The following FSTL4 variants were observed in gnomAD, a reference collection of about 807,000 sequenced individuals.
The protein encoded by FSTL4 is follistatin-related protein 4.
A neutral mutation model predicts 78.2 loss-of-function variants in FSTL4; 28 were observed. The observed-to-expected ratio is 0.36, with a 90% CI of 0.27 to 0.49. The LOEUF is 0.49. Among genes scored for constraint, FSTL4 ranks in the 20% least tolerant of loss-of-function variants. The pLI, the probability that FSTL4 is intolerant of heterozygous loss-of-function variation, is 0.98. For missense variants in FSTL4, 922 were observed against 1,084.9 expected, an observed-to-expected ratio of 0.85 and a Z score of 2.11; for synonymous variants, 422 against 440.5, an observed-to-expected ratio of 0.96 and a Z score of 0.53.
At chr5:133,274,516 G>A (rs1425871024) in intron 6 of FSTL4, among the ~76,000 whole-genome samples, 1 of 151,212 alleles carries the variant, frequency 6.6e-6, no homozygotes, top group Non-Finnish European at 1.5e-5. Context: ...ACCTATTTAA[G>A]AGGTTTCAAG....
chr5:133,745,964 C>T, the FSTL4 span, among the ~76,000 whole-genome samples: 1 of 152,192 alleles, frequency 6.6e-6, no homozygotes, highest in African/African-American at 2.4e-5. Flanking sequence ...TTTCAAGGCA[C>T]CACGATACAG....
At chr5:133,815,389 T>C in the FSTL4 span, among the ~76,000 whole-genome samples, 12 of 152,232 alleles carry the variant, frequency 7.9e-5, no homozygotes, top group African/African-American at 2.9e-4. Flanking sequence ...GTCTGGACAA[T>C]GCCTCCTGCC....
intron 3 of FSTL4, among the ~76,000 whole-genome samples, chr5:133,463,062 A>C (rs1363220268): frequency 6.6e-6 from 1 of 152,166 alleles, no homozygotes; most frequent in Non-Finnish European, 1.5e-5. Flanking sequence ...CAGGGATTTG[A>C]CCATCTTTAC....
chr5:133,700,636 G>T, the FSTL4 span, among the ~76,000 whole-genome samples: 1 of 152,208 alleles, frequency 6.6e-6, no homozygotes, highest in Non-Finnish European at 1.5e-5. Context: ...CAAACCTACT[G>T]CAAACAGCCC....
At chr5:133,342,824 G>A (rs1041794768) in intron 4 of FSTL4, among the ~76,000 whole-genome samples, 28 of 152,178 alleles carry the variant, frequency 1.8e-4, no homozygotes, top group African/African-American at 5.5e-4. Context: ...CCCCTTGGTC[G>A]TTTGCCTTCA....
At chr5:133,253,226 A>G (rs775170220) in intron 6 of FSTL4, among the ~76,000 whole-genome samples, 1 of 152,142 alleles carries the variant, frequency 6.6e-6, no homozygotes, top group Non-Finnish European at 1.5e-5. Context: ...CTAAATGGAA[A>G]GAGTAGGACT....
intron 6 of FSTL4, among the ~76,000 whole-genome samples, chr5:133,280,073 C>T (rs976449308): frequency 6.6e-6 from 1 of 152,192 alleles, no homozygotes; most frequent in Non-Finnish European, 1.5e-5. Context: ...TTCTGGTCTC[C>T]TGAGTGGTGA....
chr5:133,206,627 G>T (rs1009193554), intron 14 of FSTL4, among the ~76,000 whole-genome samples: 43 of 152,164 alleles, frequency 2.8e-4, no homozygotes, highest in African/African-American at 1.0e-3. Flanking sequence ...CTCCCAAAGT[G>T]CTGGGATTAT....
rs559253365 is a variant in FSTL4, at chr5:133,316,450, G to A, written c.603+9C>T. ...CCATCATGTGACTTTCACTGAACAC[G>A]ATGCCCACCTGAGCCAGTTCGGAGC... is the stretch of plus-strand genomic sequence containing the variant. On this transcript the variant is annotated intron_variant, in intron 5 of 15. Coordinates refer to ENST00000265342, the MANE Select transcript of FSTL4 (RefSeq NM_015082.2). 5 of 1,607,740 alleles carry A rather than the reference G, an allele frequency of 3.1e-6. No homozygotes were observed. Among genetic ancestry groups the A allele is most frequent in the Admixed American group, 1.7e-5 (1 of 59,636 alleles).
intron 3 of FSTL4, among the ~76,000 whole-genome samples, chr5:133,477,035 T>C (rs930903779): frequency 2.0e-5 from 3 of 152,214 alleles, no homozygotes; most frequent in Non-Finnish European, 4.4e-5. Flanking sequence ...ATTGAAGACT[T>C]TTGTGCCCCT....
At chr5:133,408,231 C>CA (rs1479929124) in intron 3 of FSTL4, among the ~76,000 whole-genome samples, 1 of 152,088 alleles carries the variant, frequency 6.6e-6, no homozygotes, top group East Asian at 1.9e-4. Context: ...GAGGACTTGC[C>CA]ACCCTCTTTT....
intron 2 of FSTL4, among the ~76,000 whole-genome samples, chr5:133,582,000 G>A (rs920158444): frequency 6.6e-6 from 1 of 152,214 alleles, no homozygotes; most frequent in African/African-American, 2.4e-5. Context: ...GGGGAAGGGT[G>A]TCCCTTCGTA....
At chr5:133,384,174 C>T (rs1185407093) in intron 4 of FSTL4, among the ~76,000 whole-genome samples, 1 of 152,142 alleles carries the variant, frequency 6.6e-6, no homozygotes, top group African/African-American at 2.4e-5. Context: ...GTGGAGGTTG[C>T]AACTCAGGAA....
chr5:133,224,325 C>T (rs1258547893), intron 10 of FSTL4, 109 bp from the exon 11 acceptor site: 2 of 776,706 alleles, frequency 2.6e-6, no homozygotes, highest in African/African-American at 3.4e-5. Context: ...GATCCTGGTA[C>T]CTAGTCCATC....
chr5:133,264,002 C>T (rs1474451419), intron 6 of FSTL4, among the ~76,000 whole-genome samples: 1 of 152,134 alleles, frequency 6.6e-6, no homozygotes, highest in Non-Finnish European at 1.5e-5. Context: ...ATTTGGTATA[C>T]ATTAGTGCCT....
At chr5:133,726,468 C>A in the FSTL4 span, among the ~76,000 whole-genome samples, 1 of 152,172 alleles carries the variant, frequency 6.6e-6, no homozygotes, top group African/African-American at 2.4e-5. Context: ...CTTTATCTCA[C>A]CGAGGCACAG....
rs3749819 is a variant in FSTL4, at chr5:133,197,443, A to G, written c.*1652T>C. The stretch of plus-strand genomic sequence containing the variant: ...CTGTCTAGGCGCACCCCTAGGAGTT[A>G]CAGGGGACAGGCGTTTGGTGGACCA... On this transcript the variant is annotated 3_prime_UTR_variant, in exon 16 of 16. Transcript: ENST00000265342. The G allele has an allele frequency of 0.63, 96,014 of 152,116 alleles. 30,764 individuals are homozygous for G. Among genetic ancestry groups the G allele is most frequent in the Admixed American group, 0.71 (10,798 of 15,284 alleles). 9.4% of individuals were successfully genotyped at this position (152,116 alleles called of 1,614,324 possible).
At chr5:133,715,716 T>C in the FSTL4 span, among the ~76,000 whole-genome samples, 1 of 152,216 alleles carries the variant, frequency 6.6e-6, no homozygotes, top group Non-Finnish European at 1.5e-5. Context: ...CAATGAGGAC[T>C]GGGAGCTGTG....
the FSTL4 span, among the ~76,000 whole-genome samples, chr5:133,816,555 C>A: frequency 6.6e-6 from 1 of 152,156 alleles, no homozygotes; most frequent in Non-Finnish European, 1.5e-5. Flanking sequence ...CCCTGCAACT[C>A]CCAGATAACC....
Sources: allele counts gnomAD v4.1 joint callset (sites outside exome capture counted in the v4.1 genomes callset), GRCh38; gene constraint gnomAD v4.1.1; transcripts MANE v1.5; gene names NCBI Gene and HGNC (gene_info 2026-07-23, HGNC 2026-07-21).